Variants in DIAPH1 observed in about 807,000 individuals in gnomAD.
DIAPH1 encodes protein diaphanous homolog 1.
Under a neutral mutation model 140.7 loss-of-function variants are expected in DIAPH1, and 46 were observed. That is an observed-to-expected ratio of 0.33 (90% CI 0.26 to 0.42). The LOEUF (loss-of-function observed/expected upper bound fraction) is 0.42. Among genes scored for constraint, DIAPH1 ranks in the 10% least tolerant of loss-of-function variants. The probability of loss-of-function intolerance (pLI) is 1.00; values close to 1 mark genes in which losing one functional copy is unlikely to be tolerated. For missense variants in DIAPH1, 1,310 were observed against 1,558.7 expected (o/e 0.84, Z 2.69); for synonymous variants, 565 against 551.6 (o/e 1.02, Z -0.34).
chr5:141,573,485 C>T lies in DIAPH1; in HGVS notation c.2358+7G>A. The stretch of plus-strand genomic sequence containing the variant: ...TGACTGGTGAAGAAATAGACAGAAA[C>T]TCTTACCTTGGACCAGTTTGGCCTC... On this transcript the variant is annotated splice_region_variant and intron_variant, in intron 16 of 27. Coordinates refer to ENST00000389054, the MANE Select transcript of DIAPH1 (RefSeq NM_005219.5). The T allele has an allele frequency of 7.5e-7, 1 of 1,327,498 alleles. No homozygotes were observed. The highest frequency in any genetic ancestry group is 1.1e-6 in the Non-Finnish European group (1 of 949,144). The allele number at this position is 1,327,498 out of a possible 1,614,324, so 82.2% of individuals were successfully genotyped here.
intron 18 of DIAPH1, among the ~76,000 whole-genome samples, chr5:141,539,038 G>T (rs1176987350): frequency 2.6e-5 from 4 of 151,746 alleles, no homozygotes; most frequent in Non-Finnish European, 5.9e-5. Flanking sequence ...ACTTAAGGAG[G>T]CTGAGGCAGG....
chr5:141,612,948 T>C (rs2099902076), intron 1 of DIAPH1, among the ~76,000 whole-genome samples: 1 of 152,206 alleles, frequency 6.6e-6, no homozygotes, highest in African/African-American at 2.4e-5. Context: ...CTTGGGTCCT[T>C]ACAGTATTTT....
intron 18 of DIAPH1, among the ~76,000 whole-genome samples, chr5:141,541,792 GAGAA>G (rs1345402230): frequency 5.9e-5 from 9 of 151,286 alleles, no homozygotes; most frequent in East Asian, 1.9e-4. Context: ...AAATAGAAAA[GAGAA>G]AGAAACACTT....
chr5:141,598,857 G>T (rs1006803137), intron 1 of DIAPH1, among the ~76,000 whole-genome samples: 2 of 152,174 alleles, frequency 1.3e-5, no homozygotes, highest in Non-Finnish European at 2.9e-5. Context: ...TCTTGCAGTG[G>T]TGGTGGTTGT....
At chr5:141,592,155 C>G (rs1273907805) in intron 1 of DIAPH1, among the ~76,000 whole-genome samples, 2 of 150,750 alleles carry the variant, frequency 1.3e-5, no homozygotes, top group Admixed American at 6.6e-5. Flanking sequence ...TGGGGAAGGA[C>G]AGCAAACATG....
chr5:141,552,646 A>T (rs1313923741), intron 18 of DIAPH1, among the ~76,000 whole-genome samples: 1 of 152,202 alleles, frequency 6.6e-6, no homozygotes, highest in Non-Finnish European at 1.5e-5. Flanking sequence ...TAAGTCACTA[A>T]ATTTGTGGTA....
intron 7 of DIAPH1, chr5:141,582,059 C>CAAAAAA (rs70991705): frequency 5.1e-4 from 41 of 79,686 alleles, no homozygotes; most frequent in Admixed American, 1.9e-3. Flanking sequence ...GACTCCATCT[C>CAAAAAA]AAAAAAAAAA....
chr5:141,578,393 G>A (rs781299914), intron 10 of DIAPH1, 50 bp from the exon 11 acceptor site: 1 of 1,550,300 alleles, frequency 6.5e-7, no homozygotes, highest in Admixed American at 1.7e-5. Flanking sequence ...ATCCTCTGTG[G>A]TTAGAAACCT....
In DIAPH1 at chr5:141,553,097, T is replaced by C. The variant is rs1314869626; in HGVS notation, c.2482+18331A>G. ...TAAGGTTAGGAGTTCAAGACCAGCC[T>C]AGCCAACACGGTGAAAAAACCCTGT... is the stretch of plus-strand genomic sequence containing the variant. On this transcript the variant is annotated intron_variant, in intron 18 of 27. Coordinates refer to ENST00000389054, the MANE Select transcript of DIAPH1 (RefSeq NM_005219.5). Among the ~76,000 whole-genome samples, 6 of 151,986 alleles carry C rather than the reference T, an allele frequency of 3.9e-5. No individual in the cohort carries two copies. The East Asian group carries it at 9.7e-4, about 25-fold the overall frequency.
rs1457531008 is a variant in DIAPH1 at position 141,573,435 on chromosome 5, A to T, written c.2358+57T>A. 2.1e-5 allele frequency: 3 copies of T among 145,488 alleles called. No individual in the cohort carries two copies. In the East Asian group the frequency reaches 5.2e-4, roughly 25 times the overall value. The allele number at this position is 145,488 out of a possible 1,614,324, so 9.0% of individuals were successfully genotyped here. On this transcript the variant is annotated intron_variant, in intron 16 of 27. Coordinates refer to ENST00000389054, the MANE Select transcript of DIAPH1 (RefSeq NM_005219.5). ...GGGCGACAGAGCGAAACTCCGTCTC[A>T]AAAAAAAAAAAAAAAAAAAAAGATT...
In DIAPH1 at chr5:141,577,864, T is replaced by G; in HGVS notation, c.1164-273A>C. 5 of 497,394 alleles carry G rather than the reference T, an allele frequency of 1.0e-5. No homozygotes were observed. In the South Asian group the frequency reaches 1.0e-4, roughly 10 times the overall value. 30.8% of individuals were successfully genotyped at this position (497,394 alleles called of 1,614,324 possible). ...AGACAGAAAATAAGAGGTAACTGCC[T>G]CAAAGTCACTTACTGAAAATATTAA... is the stretch of plus-strand genomic sequence containing the variant. On this transcript the variant is annotated intron_variant, in intron 11 of 27. Transcript: ENST00000389054.
In DIAPH1 at chr5:141,532,508, C is replaced by A. The variant is rs186644366; in HGVS notation, c.2581+1827G>T. 4.2e-3 allele frequency among the ~76,000 whole-genome samples: 632 copies of A among 152,248 alleles called. 7 individuals carry two copies. The highest frequency in any genetic ancestry group is 0.028 in the South Asian group (137 of 4,822). ...GTCTTTCAACTCAGTTTAAGTAGTA[C>A]CTCCTTTAGAATATCTTCTGGGATT... On this transcript the variant is annotated intron_variant, in intron 19 of 27. Coordinates refer to ENST00000389054, the MANE Select transcript of DIAPH1 (RefSeq NM_005219.5).
At chr5:141,556,238 T>C (rs907010196) in intron 18 of DIAPH1, among the ~76,000 whole-genome samples, 1 of 152,196 alleles carries the variant, frequency 6.6e-6, no homozygotes, top group Non-Finnish European at 1.5e-5. Flanking sequence ...ATATTTTTTC[T>C]TTCTGTAAAA....
At chr5:141,563,368 T>G (rs755375399) in intron 18 of DIAPH1, 9 of 152,192 alleles carry the variant, frequency 5.9e-5, no homozygotes, top group Non-Finnish European at 5.9e-5. Context: ...ATAATACTTA[T>G]ATAATACCTA....
Position 141,587,408 on chromosome 5 carries a change from T to C in DIAPH1, c.145-211A>G, listed in dbSNP as rs143544166. ...CTGTACTCTCATCTATGTTCAAAGA[T>C]AAGAGGACCAAAGTATTAAGATTTC... On this transcript the variant is annotated intron_variant, in intron 2 of 27. Transcript: ENST00000389054. 4.1e-3 allele frequency: 2,423 copies of C among 596,552 alleles called. 15 individuals carry two copies. Among genetic ancestry groups the C allele is most frequent in the Admixed American group, 0.01 (343 of 34,130 alleles). 37.0% of individuals were successfully genotyped at this position (596,552 alleles called of 1,614,324 possible).
Position 141,618,915 on chromosome 5 carries a change from G to A in DIAPH1, c.-1C>T, listed in dbSNP as rs1243845309. On this transcript the variant is annotated 5_prime_UTR_variant, in exon 1 of 28. Coordinates refer to ENST00000389054, the MANE Select transcript of DIAPH1 (RefSeq NM_005219.5). Reference sequence around the variant, plus strand: ...CCAGGCTCCCGCCGGGCGGCTCCATGTCCCGGTTCACGCTGGCCGGCGACC... The same window carrying A: ...CCAGGCTCCCGCCGGGCGGCTCCATATCCCGGTTCACGCTGGCCGGCGACC... The A allele has an allele frequency of 2.0e-6, 3 of 1,499,386 alleles. No homozygotes were observed. The African/African-American group carries it at 4.4e-5, about 22-fold the overall frequency. The allele number at this position is 1,499,386 out of a possible 1,614,324, so 92.9% of individuals were successfully genotyped here.
chr5:141,583,684 C>T, intron 4 of DIAPH1, 69 bp from the exon 5 acceptor site: 1 of 1,579,156 alleles, frequency 6.3e-7, no homozygotes, highest in Non-Finnish European at 8.7e-7. Context: ...TAGTATTAGT[C>T]AATAGAGTTT....
chr5:141,570,236 C>T (rs1424713561), intron 18 of DIAPH1, among the ~76,000 whole-genome samples: 2 of 152,150 alleles, frequency 1.3e-5, no homozygotes, highest in Non-Finnish European at 2.9e-5. Flanking sequence ...AAGAAAGAAA[C>T]TTATGCCAGA....
chr5:141,529,084 C>T (rs1349418836), intron 21 of DIAPH1, 88 bp downstream of exon 21: 46 of 1,549,996 alleles, frequency 3.0e-5, no homozygotes, highest in Admixed American at 1.3e-4. Context: ...AACAGACAAG[C>T]GGCAAGGAGC....
Sources: allele counts gnomAD v4.1 joint callset (sites outside exome capture counted in the v4.1 genomes callset), GRCh38; gene constraint gnomAD v4.1.1; transcripts MANE v1.5; gene names NCBI Gene and HGNC (gene_info 2026-07-23, HGNC 2026-07-21).